Variants in CCDC18 observed in about 807,000 individuals in gnomAD.
CCDC18 encodes the protein coiled-coil domain containing 18.
In CCDC18, 157 loss-of-function variants were observed where a neutral mutation model predicts 196.0. The observed-to-expected ratio is 0.80, with a 90% CI of 0.70 to 0.91. The LOEUF is 0.91. CCDC18 is among the 40% of genes least tolerant of loss of function. The pLI, the probability that CCDC18 is intolerant of heterozygous loss-of-function variation, is 0.00. For synonymous variants in CCDC18, 482 were observed against 529.2 expected, an observed-to-expected ratio of 0.91 and a Z score of 1.22; for missense variants, 1,465 against 1,611.6, an observed-to-expected ratio of 0.91 and a Z score of 1.56.
Position 93,193,618 on chromosome 1 carries a change from A to G in CCDC18, c.572A>G (p.Glu191Gly), listed in dbSNP as rs572374896. ...ACAAAGTATCCTTTATTTTATAGAG[A>G]GGCAGAAAATAAGCTGGAACAGAGC... Reference protein sequence around the residue: ...EVSAQDKVLREAENKLEQSQK... With the variant: ...EVSAQDKVLRGAENKLEQSQK... Residue 191 changes from glutamate to glycine, a missense_variant and splice_region_variant, in exon 6 of 29, where the codon GAG becomes GGG. Coordinates refer to ENST00000690025, the MANE Select transcript of CCDC18 (RefSeq NM_001378204.1). 30 of 1,574,784 alleles carry G rather than the reference A, an allele frequency of 1.9e-5. No individual in the cohort carries two copies. The highest frequency in any genetic ancestry group is 2.8e-5 in the African/African-American group (2 of 72,410).
At chr1:93,257,619 T>TTTCTGGATGGTTA (rs1009632452) in intron 25 of CCDC18, among the ~76,000 whole-genome samples, 17 of 152,156 alleles carry the variant, frequency 1.1e-4, no homozygotes, top group Non-Finnish European at 2.1e-4. Flanking sequence ...GTTATTCACA[T>TTTCTGGATGGTTA]TTCTGGATGG....
intron 22 of CCDC18, among the ~76,000 whole-genome samples, 157 bp from the exon 23 acceptor site, chr1:93,246,681 A>AT (rs1661533640): frequency 6.6e-6 from 1 of 152,198 alleles, no homozygotes; most frequent in African/African-American, 2.4e-5. Flanking sequence ...TTAAAAAATA[A>AT]TTTGAGTTTA....
intron 1 of CCDC18, among the ~76,000 whole-genome samples, chr1:93,182,284 G>A (rs934372233): frequency 1.3e-5 from 2 of 152,152 alleles, no homozygotes; most frequent in African/African-American, 4.8e-5. Context: ...TTTTTGAGTG[G>A]GGAATAAATG....
chr1:93,241,614 C>G (rs1660793566), intron 21 of CCDC18, among the ~76,000 whole-genome samples: 1 of 146,236 alleles, frequency 6.8e-6, no homozygotes, highest in Non-Finnish European at 1.5e-5. Flanking sequence ...CTTAGCTACT[C>G]AGGAGGCTGA....
chr1:93,225,799 TTAA>T (rs1658189394), intron 16 of CCDC18, among the ~76,000 whole-genome samples: 1 of 151,998 alleles, frequency 6.6e-6, no homozygotes, highest in Admixed American at 6.6e-5. Flanking sequence ...AAAATCTCAC[TTAA>T]GCATCATTAA....
Position 93,221,952 on chromosome 1 carries a change from C to A in CCDC18, c.2175+16C>A. The A allele has an allele frequency of 9.9e-6, 14 of 1,415,500 alleles. No homozygotes were observed. The highest frequency in any genetic ancestry group is 1.3e-5 in the Non-Finnish European group (13 of 1,034,054). 87.7% of individuals were successfully genotyped at this position (1,415,500 alleles called of 1,614,324 possible). ...AACAATCAAGGCTAGTATGCTAATA[C>A]TTTATTTTTCTTTCTTTCCTTTTTT... On this transcript the variant is annotated intron_variant, in intron 16 of 28. Coordinates refer to ENST00000690025, the MANE Select transcript of CCDC18 (RefSeq NM_001378204.1).
intron 19 of CCDC18, among the ~76,000 whole-genome samples, chr1:93,238,134 G>A (rs1320748599): frequency 3.3e-5 from 5 of 152,088 alleles, no homozygotes; most frequent in Non-Finnish European, 7.4e-5. Flanking sequence ...TAACTCCTTT[G>A]CTGACAAGCC....
chr1:93,271,647 C>A, intron 28 of CCDC18: 2 of 608,784 alleles, frequency 3.3e-6, no homozygotes, highest in South Asian at 7.3e-5. Context: ...CAAGTATGGG[C>A]AACATGGAGA....
intron 17 of CCDC18, among the ~76,000 whole-genome samples, chr1:93,231,478 A>G (rs1659231079): frequency 6.6e-6 from 1 of 152,148 alleles, no homozygotes; most frequent in African/African-American, 2.4e-5. Flanking sequence ...TTTAAATCAC[A>G]TTGACAATCA....
At chr1:93,196,510 T>G (rs1019320921) in intron 6 of CCDC18, among the ~76,000 whole-genome samples, 4 of 152,130 alleles carry the variant, frequency 2.6e-5, no homozygotes, top group African/African-American at 4.8e-5. Context: ...CAGCAAGATA[T>G]AAAGACTCTA....
intron 13 of CCDC18, 135 bp downstream of exon 13, chr1:93,216,881 C>G (rs1471850556): frequency 2.2e-6 from 1 of 460,780 alleles, no homozygotes; most frequent in Non-Finnish European, 3.9e-6. Flanking sequence ...CTGATCATTT[C>G]TTGTTTATAT....
intron 11 of CCDC18, among the ~76,000 whole-genome samples, chr1:93,212,930 T>C (rs546739594): frequency 6.6e-6 from 1 of 152,320 alleles, no homozygotes; most frequent in East Asian, 1.9e-4. Flanking sequence ...CTTGTTTTCC[T>C]GCAACTAGAA....
intron 25 of CCDC18, among the ~76,000 whole-genome samples, chr1:93,257,231 C>CAAAAAAAAAAAAAAAAAAA (rs71586787): frequency 2.1e-5 from 1 of 46,530 alleles, no homozygotes; most frequent in Admixed American, 3.3e-4. Flanking sequence ...GACTCCATCT[C>CAAAAAAAAAAAAAAAAAAA]AAAAAAAAAA....
intron 16 of CCDC18, among the ~76,000 whole-genome samples, chr1:93,223,251 A>C (rs1381877250): frequency 6.6e-6 from 1 of 152,202 alleles, no homozygotes; most frequent in Non-Finnish European, 1.5e-5. Flanking sequence ...AGAAATCAGC[A>C]AAAGAATGAA....
chr1:93,262,628 A>G (rs1663962486), intron 26 of CCDC18, among the ~76,000 whole-genome samples: 1 of 152,184 alleles, frequency 6.6e-6, no homozygotes, highest in Non-Finnish European at 1.5e-5. Context: ...TCTGCAGGGT[A>G]CAGCCCCTGT....
At chr1:93,241,164 A>G (rs1660723142) in intron 21 of CCDC18, among the ~76,000 whole-genome samples, 1 of 151,088 alleles carries the variant, frequency 6.6e-6, no homozygotes, top group African/African-American at 2.4e-5. Flanking sequence ...CACGTTGGCC[A>G]GACTGGTCTT....
chr1:93,234,169 T>A (rs1659678756), intron 18 of CCDC18, among the ~76,000 whole-genome samples: 1 of 152,144 alleles, frequency 6.6e-6, no homozygotes, highest in South Asian at 2.1e-4. Context: ...TTTTTCTTTT[T>A]TTTCTCTTTT....
At position 93,180,898 on chromosome 1, in the gene CCDC18, T is replaced by C. The variant is rs115779049; in HGVS notation, c.-3+46T>C. The C allele has an allele frequency of 1.2e-4, 158 of 1,362,318 alleles. No homozygotes were observed. The African/African-American group carries it at 2.2e-3, about 19-fold the overall frequency. The allele number at this position is 1,362,318 out of a possible 1,614,324, so 84.4% of individuals were successfully genotyped here. Reference sequence around the variant, plus strand: ...GATTTGGGTGGTGAGCGACTGCGCCTTGGCGTGGGGAAACCGGCTTACCTG... The same window carrying C: ...GATTTGGGTGGTGAGCGACTGCGCCCTGGCGTGGGGAAACCGGCTTACCTG... On this transcript the variant is annotated intron_variant, in intron 1 of 28. Coordinates refer to ENST00000690025, the MANE Select transcript of CCDC18 (RefSeq NM_001378204.1).
intron 6 of CCDC18, among the ~76,000 whole-genome samples, chr1:93,200,190 G>A (rs80322157): frequency 1.3e-5 from 2 of 151,980 alleles, no homozygotes; most frequent in East Asian, 3.9e-4. Context: ...TCCCAGGCTG[G>A]TCTCTAACAT....
Sources: gnomAD v4.1 joint callset for allele counts (sites outside exome capture counted in the v4.1 genomes callset) on GRCh38, gnomAD v4.1.1 for gene constraint, MANE v1.5 for transcripts, NCBI Gene and HGNC (gene_info 2026-07-23, HGNC 2026-07-21) for gene names.